The following SNTB1 variants were observed in gnomAD, a reference collection of about 807,000 sequenced individuals.
SNTB1 encodes the protein syntrophin beta 1.
In SNTB1, 36 loss-of-function variants were observed where a neutral mutation model predicts 48.9. The observed-to-expected ratio is 0.74, with a 90% CI of 0.56 to 0.97. The LOEUF (loss-of-function observed/expected upper bound fraction) is 0.97, where lower values mean the gene tolerates loss of function less well. Ranked by LOEUF, SNTB1 falls within the 50% of genes least tolerant of loss-of-function variation. SNTB1 has a pLI of 0.00. For synonymous variants in SNTB1, 299 were observed against 294.6 expected, an observed-to-expected ratio of 1.01 and a Z score of -0.15; for missense variants, 786 against 703.4, an observed-to-expected ratio of 1.12 and a Z score of -1.33.
chr8:120,723,438 C>A (rs73706743), intron 1 of SNTB1, among the ~76,000 whole-genome samples: 1 of 152,046 alleles, frequency 6.6e-6, no homozygotes, highest in Non-Finnish European at 1.5e-5. Context: ...AGGCAAAAAA[C>A]GTGGCATTTC....
At chr8:120,545,079 C>A (rs1815354910) in intron 5 of SNTB1, among the ~76,000 whole-genome samples, 1 of 152,186 alleles carries the variant, frequency 6.6e-6, no homozygotes, top group Non-Finnish European at 1.5e-5. Context: ...TGCAGTGGCT[C>A]ATGCCTGTAA....
chr8:120,743,439 C>A (rs571975649), intron 1 of SNTB1, among the ~76,000 whole-genome samples: 18 of 152,236 alleles, frequency 1.2e-4, no homozygotes, highest in African/African-American at 4.3e-4. Context: ...CTGATATCCG[C>A]AATGCAGGCA....
chr8:120,651,657 A>C (rs553444402), intron 2 of SNTB1, among the ~76,000 whole-genome samples: 1 of 152,314 alleles, frequency 6.6e-6, no homozygotes, highest in East Asian at 1.9e-4. Flanking sequence ...GGTAGTTTCA[A>C]CTTCAACAAT....
intron 1 of SNTB1, among the ~76,000 whole-genome samples, chr8:120,694,315 C>A (rs1818175969): frequency 1.3e-5 from 2 of 151,980 alleles, no homozygotes; most frequent in South Asian, 4.1e-4. Context: ...ACACAGGATG[C>A]CATTTTTCTG....
chr8:120,644,161 C>CTT (rs60428616), intron 2 of SNTB1, among the ~76,000 whole-genome samples: 142 of 147,602 alleles, frequency 9.6e-4, no homozygotes, highest in South Asian at 1.7e-3. Context: ...GGAAATCATT[C>CTT]TTTTTTTTTT....
intron 2 of SNTB1, among the ~76,000 whole-genome samples, chr8:120,689,564 A>G (rs557068844): frequency 6.6e-6 from 1 of 152,264 alleles, no homozygotes; most frequent in African/African-American, 2.4e-5. Flanking sequence ...AAGGGGTAGA[A>G]CTAAGATTCC....
At chr8:120,565,022 C>T (rs1353348083) in intron 4 of SNTB1, among the ~76,000 whole-genome samples, 1 of 152,190 alleles carries the variant, frequency 6.6e-6, no homozygotes, top group African/African-American at 2.4e-5. Context: ...TCTCTACCAG[C>T]AAATCCAATG....
At chr8:120,686,330 T>C (rs1818031730) in intron 2 of SNTB1, among the ~76,000 whole-genome samples, 1 of 152,170 alleles carries the variant, frequency 6.6e-6, no homozygotes, top group African/African-American at 2.4e-5. Flanking sequence ...CAATATAAAT[T>C]TTTTTCTCAC....
intron 3 of SNTB1, among the ~76,000 whole-genome samples, chr8:120,605,417 A>G (rs1816497974): frequency 6.6e-6 from 1 of 152,196 alleles, no homozygotes; most frequent in Non-Finnish European, 1.5e-5. Flanking sequence ...GTTTCCAGTG[A>G]TATTACCACG....
At chr8:120,808,988 C>A (rs1820384646) in intron 1 of SNTB1, among the ~76,000 whole-genome samples, 1 of 152,112 alleles carries the variant, frequency 6.6e-6, no homozygotes, top group Admixed American at 6.5e-5. Context: ...ATTTTCAAAG[C>A]CTCTCCTATG....
chr8:120,597,057 T>C (rs1816339044), intron 3 of SNTB1, among the ~76,000 whole-genome samples: 1 of 152,166 alleles, frequency 6.6e-6, no homozygotes, highest in Non-Finnish European at 1.5e-5. Context: ...CTGAGTTATC[T>C]GGATGAGCCC....
At chr8:120,783,855 G>A (rs1194353229) in intron 1 of SNTB1, among the ~76,000 whole-genome samples, 2 of 152,122 alleles carry the variant, frequency 1.3e-5, no homozygotes, top group Admixed American at 6.5e-5. Context: ...TTAAAATAAC[G>A]CAAGTAAATA....
At chr8:120,680,103 T>A (rs1817904794) in intron 2 of SNTB1, among the ~76,000 whole-genome samples, 2 of 152,220 alleles carry the variant, frequency 1.3e-5, no homozygotes, top group South Asian at 4.1e-4. Flanking sequence ...AGTCTAAGCA[T>A]AGACATCACT....
At chr8:120,705,892 A>G (rs1818370587) in intron 1 of SNTB1, among the ~76,000 whole-genome samples, 1 of 152,184 alleles carries the variant, frequency 6.6e-6, no homozygotes. Flanking sequence ...TTCCTTAGAT[A>G]GGCAATACAA....
intron 2 of SNTB1, among the ~76,000 whole-genome samples, chr8:120,647,052 C>G (rs1220758917): frequency 6.9e-6 from 1 of 145,262 alleles, no homozygotes; most frequent in African/African-American, 2.6e-5. Context: ...TGATTCTTCT[C>G]TCTTTTCTTC....
At chr8:120,638,083 C>G (rs1817113434) in intron 2 of SNTB1, 1 of 153,982 alleles carries the variant, frequency 6.5e-6, no homozygotes, top group African/African-American at 2.4e-5. Flanking sequence ...GTGGGGCAGC[C>G]TTTCAATAAG....
chr8:120,689,516 A>G (rs1053738260), intron 2 of SNTB1, among the ~76,000 whole-genome samples: 2 of 152,212 alleles, frequency 1.3e-5, no homozygotes, highest in African/African-American at 4.8e-5. Flanking sequence ...TATGATGGTT[A>G]TTTGAATTAA....
At chr8:120,625,025 C>T (rs1470565708) in intron 3 of SNTB1, among the ~76,000 whole-genome samples, 2 of 152,226 alleles carry the variant, frequency 1.3e-5, no homozygotes. Flanking sequence ...GTGCCTGAGG[C>T]AGCCCTGCTG....
At chr8:120,576,176 C>T (rs80346515) in intron 3 of SNTB1, among the ~76,000 whole-genome samples, 2,166 of 152,284 alleles carry the variant, frequency 0.014, 27 homozygotes, top group Non-Finnish European at 0.023. Flanking sequence ...CGCATTTTAA[C>T]AAAATCTTCA....
Sources: gnomAD v4.1 joint callset for allele counts (sites outside exome capture counted in the v4.1 genomes callset) on GRCh38, gnomAD v4.1.1 for gene constraint, MANE v1.5 for transcripts, NCBI Gene and HGNC (gene_info 2026-07-23, HGNC 2026-07-21) for gene names.